Variants in DRG2 observed in about 807,000 individuals in gnomAD.
DRG2 encodes the protein developmentally regulated GTP binding protein 2.
DRG2 carries 36 observed loss-of-function variants against 53.4 expected under a neutral mutation model. That is an observed-to-expected ratio of 0.67 (90% CI 0.52 to 0.89). DRG2 has a LOEUF of 0.89. Ranked by LOEUF, DRG2 falls within the 40% of genes least tolerant of loss-of-function variation. The pLI, the probability that DRG2 is intolerant of heterozygous loss-of-function variation, is 0.00. For synonymous variants in DRG2, 167 were observed against 192.1 expected, an observed-to-expected ratio of 0.87 and a Z score of 1.08; for missense variants, 342 against 481.2, an observed-to-expected ratio of 0.71 and a Z score of 2.71.
chr17:18,098,742 T>G lies in DRG2; in HGVS notation c.316-275T>G, dbSNP rs977733110. 6.6e-6 allele frequency among the ~76,000 whole-genome samples: 1 copy of G among 152,226 alleles called. No individual in the cohort carries two copies. Among genetic ancestry groups the G allele is most frequent in the African/African-American group, 2.4e-5 (1 of 41,464 alleles). ...TGAGTGGTATGGCCTTAAGTTCCCA[T>G]GGTGAAACAATTTATTTGTAAAGTG... On this transcript the variant is annotated intron_variant, in intron 3 of 12. Transcript: ENST00000225729. The surrounding 1 kb of genome is among the most constrained non-coding windows in gnomAD (Gnocchi z 4.1).
Position 18,088,010 on chromosome 17 carries a change from C to T in DRG2, c.-14C>T. On this transcript the variant is annotated 5_prime_UTR_variant, in exon 1 of 13. Transcript: ENST00000225729. ...GCCGCCACCGCTGTCTGTGCGCCCA[C>T]CTCTGCTGCTACCATGGGGATCTTA... 2 of 1,547,866 alleles carry T rather than the reference C, an allele frequency of 1.3e-6. No individual in the cohort carries two copies. The highest frequency in any genetic ancestry group is 1.7e-6 in the Non-Finnish European group (2 of 1,145,762).
Position 18,099,873 on chromosome 17 carries a change from G to A in DRG2, c.467+150G>A, listed in dbSNP as rs910697787. The stretch of plus-strand genomic sequence containing the variant: ...CACAGACTAAACCCAACACCACCCA[G>A]CCTATGGCGTCTTCTCCTCAAGGCT... On this transcript the variant is annotated intron_variant, in intron 5 of 12. Coordinates refer to ENST00000225729, the MANE Select transcript of DRG2 (RefSeq NM_001388.5). This position sits in a 1 kb window ranked among gnomAD's most constrained non-coding sequence, Gnocchi z 4.4. 2.7e-6 allele frequency: 2 copies of A among 744,054 alleles called. No individual in the cohort carries two copies. The highest frequency in any genetic ancestry group is 3.5e-5 in the African/African-American group (2 of 57,112). The allele number at this position is 744,054 out of a possible 1,614,324, so 46.1% of individuals were successfully genotyped here.
chr17:18,105,084 A>C (rs1374348070), intron 11 of DRG2, among the ~76,000 whole-genome samples: 5 of 152,186 alleles, frequency 3.3e-5, no homozygotes, highest in Non-Finnish European at 7.4e-5. Flanking sequence ...TCAAGGAGGC[A>C]ACCTGAGCCG....
chr17:18,093,567 C>T lies in DRG2; in HGVS notation c.65-246C>T, dbSNP rs184164736. Among the ~76,000 whole-genome samples, 32 of 152,332 alleles carry T rather than the reference C, an allele frequency of 2.1e-4. No homozygotes were observed. In the East Asian group the frequency reaches 5.8e-3, roughly 28 times the overall value. ...TCCTGACCTCAGGTGATCCACCCGC[C>T]TCGGCCTCCCAAAGTGCTGGGATTA... On this transcript the variant is annotated intron_variant, in intron 1 of 12. Transcript: ENST00000225729.
intron 7 of DRG2, 56 bp from the exon 8 acceptor site, chr17:18,101,437 C>G: frequency 6.4e-7 from 1 of 1,570,238 alleles, no homozygotes; most frequent in Non-Finnish European, 8.7e-7. Flanking sequence ...GGGCCCTCCG[C>G]TGATGGGGGA....
chr17:18,105,091 G>A (rs1236445772), intron 11 of DRG2, among the ~76,000 whole-genome samples: 1 of 152,192 alleles, frequency 6.6e-6, no homozygotes, highest in Non-Finnish European at 1.5e-5. Flanking sequence ...GGCAACCTGA[G>A]CCGGCTTATA....
chr17:18,090,316 C>T (rs1400876538), intron 1 of DRG2, among the ~76,000 whole-genome samples: 1 of 137,296 alleles, frequency 7.3e-6, no homozygotes, highest in East Asian at 2.1e-4. Flanking sequence ...CCTTCCACCT[C>T]CACCTCTTGA....
At position 18,100,632 on chromosome 17, in the gene DRG2, C is replaced by G. The variant is rs769694419; in HGVS notation, c.604C>G (p.Leu202Val). 6.2e-7 allele frequency: 1 copy of G among 1,614,154 alleles called. No individual in the cohort carries two copies. Among genetic ancestry groups the G allele is most frequent in the South Asian group, 1.1e-5 (1 of 91,066 alleles). Reference protein sequence around the residue: ...TVTLTQCSEKLVQLILHEYKI... With the variant: ...TVTLTQCSEKVVQLILHEYKI... ...CACGCTGACCCAGTGCTCGGAAAAG[C>G]TGGTGCAGCTCATCCTGCACGAATA... Residue 202 changes from leucine (L) to valine (V), a missense_variant, in exon 7 of 13, where the codon CTG becomes GTG. Leu to Val is a conservative substitution (Grantham distance 32). Coordinates refer to ENST00000225729, the MANE Select transcript of DRG2 (RefSeq NM_001388.5). This position sits in a 1 kb window ranked among gnomAD's most constrained non-coding sequence, Gnocchi z 4.1.
In DRG2 at chr17:18,100,351, T is replaced by G. The variant is rs1353459271; in HGVS notation, c.468-12T>G. ...GACAGCCTGTGAGGGGCTTAAGGGG[T>G]ACTCTTCCTAGGTCTCTGCTGGAGA... On this transcript the variant is annotated splice_polypyrimidine_tract_variant and intron_variant, in intron 5 of 12. Transcript: ENST00000225729. The surrounding 1 kb of genome is among the most constrained non-coding windows in gnomAD (Gnocchi z 4.1). The G allele has an allele frequency of 6.2e-7, 1 of 1,613,910 alleles. No individual in the cohort carries two copies. Among genetic ancestry groups the G allele is most frequent in the Non-Finnish European group, 8.5e-7 (1 of 1,179,986 alleles).
At position 18,103,372 on chromosome 17, in the gene DRG2, C is replaced by T. The variant is rs1673037371; in HGVS notation, c.807-429C>T. Among the ~76,000 whole-genome samples the T allele has an allele frequency of 1.3e-5, 2 of 152,118 alleles. No individual in the cohort carries two copies. The highest frequency in any genetic ancestry group is 4.1e-4 in the South Asian group (2 of 4,824). ...TCTACATGTAAAGGCTCTGGTGTCT[C>T]CAGAGCCTTGGTTCTCCCCTCTTCT... On this transcript the variant is annotated intron_variant, in intron 9 of 12. Coordinates refer to ENST00000225729, the MANE Select transcript of DRG2 (RefSeq NM_001388.5). This position sits in a 1 kb window ranked among gnomAD's most constrained non-coding sequence, Gnocchi z 4.4.
chr17:18,101,956 G>T lies in DRG2; in HGVS notation c.765G>T (p.Glu255Asp). The T allele has an allele frequency of 1.2e-6, 2 of 1,612,694 alleles. No homozygotes were observed. The highest frequency in any genetic ancestry group is 8.5e-7 in the Non-Finnish European group (1 of 1,179,254). ...YNKIDQISME[E>D]VDRLARKPNS... ...AAATCGACCAGATCTCCATGGAAGA[G>T]GTGGACCGCCTGGCCCGAAAACCCA... The change falls in exon 9 of 13, where the codon GAG becomes GAT. Residue 255 changes from glutamate to aspartate, a missense_variant. Coordinates refer to ENST00000225729, the MANE Select transcript of DRG2 (RefSeq NM_001388.5).
rs921419333 is a variant in DRG2, at chr17:18,103,287, G to A, written c.807-514G>A. Among the ~76,000 whole-genome samples the A allele has an allele frequency of 7.2e-5, 11 of 152,104 alleles. No individual in the cohort carries two copies. Among genetic ancestry groups the A allele is most frequent in the Non-Finnish European group, 4.4e-5 (3 of 68,012 alleles). On this transcript the variant is annotated intron_variant, in intron 9 of 12. Coordinates refer to ENST00000225729, the MANE Select transcript of DRG2 (RefSeq NM_001388.5). This position sits in a 1 kb window ranked among gnomAD's most constrained non-coding sequence, Gnocchi z 4.4. ...CAGTATTTGGAGCAAGGCACATCCC[G>A]GGCCTTATCTTTTTAATCCCTCTGC...
chr17:18,106,790 A>G (rs2045645824), intron 12 of DRG2, among the ~76,000 whole-genome samples: 1 of 149,674 alleles, frequency 6.7e-6, no homozygotes, highest in African/African-American at 2.5e-5. Flanking sequence ...TCTGTGCAAA[A>G]GCGATCCTCC....
chr17:18,092,791 G>A (rs1248713781), intron 1 of DRG2, among the ~76,000 whole-genome samples: 1 of 152,182 alleles, frequency 6.6e-6, no homozygotes, highest in African/African-American at 2.4e-5. Context: ...CATGCCTCTA[G>A]GTAGAATCAC....
chr17:18,102,055 C>A (rs1342388103), intron 9 of DRG2, 58 bp downstream of exon 9: 2 of 1,541,052 alleles, frequency 1.3e-6, no homozygotes, highest in South Asian at 2.3e-5. Flanking sequence ...TGACCCCAGT[C>A]GTCAGGCCTC....
In DRG2 at chr17:18,100,001, C is replaced by T. The variant is rs935201417; in HGVS notation, c.467+278C>T. On this transcript the variant is annotated intron_variant, in intron 5 of 12. Coordinates refer to ENST00000225729, the MANE Select transcript of DRG2 (RefSeq NM_001388.5). The surrounding 1 kb of genome is among the most constrained non-coding windows in gnomAD (Gnocchi z 4.1). Reference sequence around the variant, plus strand: ...ACAGGTGCCTCATCACTGCCCAGAACCTGCCAGGAGCCCAGCCCCAGGCAC... The same window carrying T: ...ACAGGTGCCTCATCACTGCCCAGAATCTGCCAGGAGCCCAGCCCCAGGCAC... 7 of 585,098 alleles carry T rather than the reference C, an allele frequency of 1.2e-5. No individual in the cohort carries two copies. The highest frequency in any genetic ancestry group is 1.8e-5 in the Non-Finnish European group (6 of 328,578). 36.2% of individuals were successfully genotyped at this position (585,098 alleles called of 1,614,324 possible).
chr17:18,093,720 C>T, intron 1 of DRG2, 93 bp from the exon 2 acceptor site: 2 of 1,454,544 alleles, frequency 1.4e-6, no homozygotes, highest in Admixed American at 2.3e-5. Flanking sequence ...GCAGTTGCTT[C>T]CCAGCCAGCA....
intron 11 of DRG2, 138 bp from the exon 12 acceptor site, chr17:18,106,295 A>G: frequency 1.1e-6 from 1 of 883,350 alleles, no homozygotes; most frequent in South Asian, 1.5e-5. Flanking sequence ...TCCTCCACAC[A>G]AGGCCCAGAC....
At chr17:18,094,210 T>G in intron 2 of DRG2, 1 of 495,896 alleles carries the variant, frequency 2.0e-6, no homozygotes, top group Non-Finnish European at 3.6e-6. Context: ...CACAAATACT[T>G]CTCGAGTGTG....
Sources: gnomAD v4.1 joint callset for allele counts (sites outside exome capture counted in the v4.1 genomes callset) on GRCh38, gnomAD v4.1.1 for gene constraint, Gnocchi (gnomAD v3.1) non-coding constraint, MANE v1.5 for transcripts, NCBI Gene and HGNC (gene_info 2026-07-23, HGNC 2026-07-21) for gene names.